CHRM2: variants seen among roughly 807,000 people sequenced by gnomAD.
CHRM2 encodes the protein muscarinic acetylcholine receptor M2.
Under a neutral mutation model 25.0 loss-of-function variants are expected in CHRM2, and 8 were observed. The observed-to-expected ratio is 0.32, with a 90% confidence interval of 0.19 to 0.58. The LOEUF (loss-of-function observed/expected upper bound fraction) is 0.58. Ranked by LOEUF, CHRM2 falls within the 20% of genes least tolerant of loss-of-function variation. CHRM2 has a pLI of 0.88. For synonymous variants in CHRM2, 202 were observed against 205.7 expected, an observed-to-expected ratio of 0.98 and a Z score of 0.15; for missense variants, 440 against 567.1, an observed-to-expected ratio of 0.78 and a Z score of 2.28.
At chr7:136,923,574 C>G (rs1798574581) in intron 2 of CHRM2, among the ~76,000 whole-genome samples, 1 of 152,138 alleles carries the variant, frequency 6.6e-6, no homozygotes, top group Non-Finnish European at 1.5e-5. Context: ...GAGACTTACA[C>G]TGCATTAAGG....
At chr7:136,879,924 AC>A (rs1169882057) in intron 2 of CHRM2, among the ~76,000 whole-genome samples, 1 of 151,876 alleles carries the variant, frequency 6.6e-6, no homozygotes, top group Non-Finnish European at 1.5e-5. Flanking sequence ...TTCAGTTTGA[AC>A]CGCAGGGGTC....
chr7:136,880,838 G>A lies in CHRM2; in HGVS notation c.-125+11420G>A, dbSNP rs377375236. ...GTTTACATTAGGGTTCCTGCTTGGT[G>A]TTTTGCATTCCCTGATGTCCTAAGG... On this transcript the variant is annotated intron_variant, in intron 2 of 3. Coordinates refer to ENST00000680005, the MANE Select transcript of CHRM2 (RefSeq NM_001006630.2). 1.1e-4 allele frequency among the ~76,000 whole-genome samples: 16 copies of A among 151,808 alleles called. 1 individual carries two copies. Among genetic ancestry groups the A allele is most frequent in the African/African-American group, 1.7e-4 (7 of 41,458 alleles).
chr7:136,952,430 G>A (rs905386538), intron 2 of CHRM2, among the ~76,000 whole-genome samples: 2 of 152,096 alleles, frequency 1.3e-5, no homozygotes, highest in African/African-American at 4.8e-5. Flanking sequence ...ATTCACAAAT[G>A]AGAAATTGAG....
intron 3 of CHRM2, among the ~76,000 whole-genome samples, chr7:136,997,720 C>T (rs1803697722): frequency 1.3e-5 from 2 of 152,136 alleles, no homozygotes; most frequent in South Asian, 2.1e-4. Context: ...TTCAGGCTTC[C>T]AGTGGAAATT....
chr7:136,945,442 A>G (rs1247402859), intron 2 of CHRM2, among the ~76,000 whole-genome samples: 1 of 152,000 alleles, frequency 6.6e-6, no homozygotes, highest in Non-Finnish European at 1.5e-5. Context: ...TCATTTTTCC[A>G]CATGTGGCTT....
In CHRM2 at chr7:137,016,409, A is replaced by AT. The variant is rs1805193243; in HGVS notation, c.*143_*144insT. The AT allele has an allele frequency of 6.9e-6, 6 of 871,054 alleles. No individual in the cohort carries two copies. In the Admixed American group the frequency reaches 1.1e-4, roughly 17 times the overall value. The allele number at this position is 871,054 out of a possible 1,614,324, so 54.0% of individuals were successfully genotyped here. On this transcript the variant is annotated 3_prime_UTR_variant, in exon 4 of 4. Coordinates refer to ENST00000680005, the MANE Select transcript of CHRM2 (RefSeq NM_001006630.2). Reference sequence around the variant, plus strand: ...TGCAATTCAGGAGCCCAGCAGTGACACACTTATCACGCCTAGGCTCCAGTT... The same window carrying AT: ...TGCAATTCAGGAGCCCAGCAGTGACATCACTTATCACGCCTAGGCTCCAGTT...
chr7:136,995,813 A>G (rs184982371), intron 3 of CHRM2, among the ~76,000 whole-genome samples: 23 of 152,120 alleles, frequency 1.5e-4, no homozygotes, highest in African/African-American at 5.5e-4. Context: ...TTTCATAAGG[A>G]TAAAGGGATT....
intron 2 of CHRM2, among the ~76,000 whole-genome samples, chr7:136,905,625 C>A (rs972936478): frequency 5.9e-5 from 9 of 151,512 alleles, no homozygotes; most frequent in African/African-American, 1.9e-4. Context: ...ACTATCTGTG[C>A]CATTTTATTC....
At chr7:136,927,412 G>A (rs907763202) in intron 2 of CHRM2, among the ~76,000 whole-genome samples, 1 of 151,956 alleles carries the variant, frequency 6.6e-6, no homozygotes, top group African/African-American at 2.4e-5. Flanking sequence ...TGGTGTGGGT[G>A]TGTGTGTGTA....
At chr7:136,981,642 G>A (rs1802494316) in intron 2 of CHRM2, among the ~76,000 whole-genome samples, 1 of 151,876 alleles carries the variant, frequency 6.6e-6, no homozygotes, top group South Asian at 2.1e-4. Flanking sequence ...GATCTGGTAT[G>A]TTGTGTCTTT....
intron 2 of CHRM2, among the ~76,000 whole-genome samples, chr7:136,920,874 G>A (rs997095884): frequency 6.6e-6 from 1 of 151,930 alleles, no homozygotes; most frequent in African/African-American, 2.4e-5. Context: ...TTACTATCAC[G>A]AAAAATTCTC....
At chr7:136,878,189 G>T (rs552454105) in intron 2 of CHRM2, among the ~76,000 whole-genome samples, 69 of 152,002 alleles carry the variant, frequency 4.5e-4, no homozygotes, top group African/African-American at 1.6e-3. Flanking sequence ...CAGGGCATTT[G>T]GTTTCATTTT....
chr7:136,870,172 C>A (rs554963633), intron 2 of CHRM2: 2 of 152,468 alleles, frequency 1.3e-5, no homozygotes, highest in Middle Eastern at 6.8e-3. Context: ...GCCTGGGCTT[C>A]GCCACCTAAC....
chr7:136,937,155 T>A (rs1186569583), intron 2 of CHRM2, among the ~76,000 whole-genome samples: 1 of 152,172 alleles, frequency 6.6e-6, no homozygotes, highest in African/African-American at 2.4e-5. Context: ...TTTTTCTGAT[T>A]TACTCAGGGA....
At chr7:136,912,786 A>G (rs2350781) in intron 2 of CHRM2, among the ~76,000 whole-genome samples, 34,222 of 151,892 alleles carry the variant, frequency 0.23, 4,984 homozygotes, top group Non-Finnish European at 0.32. Flanking sequence ...CCTAACACAA[A>G]GCTGCTATTT....
intron 3 of CHRM2, among the ~76,000 whole-genome samples, chr7:136,997,247 C>T (rs548782431): frequency 1.3e-5 from 2 of 152,204 alleles, no homozygotes; most frequent in South Asian, 4.1e-4. Context: ...GGAAGATAAA[C>T]AAGATTTCAA....
intron 2 of CHRM2, among the ~76,000 whole-genome samples, chr7:136,956,062 T>C (rs1476995545): frequency 1.3e-5 from 2 of 152,166 alleles, no homozygotes; most frequent in African/African-American, 4.8e-5. Context: ...AGGAAAAATA[T>C]TAGATTCCAG....
intron 2 of CHRM2, among the ~76,000 whole-genome samples, chr7:136,963,024 C>G (rs997846678): frequency 1.3e-5 from 2 of 151,336 alleles, no homozygotes; most frequent in South Asian, 2.1e-4. Flanking sequence ...TTAGTTTTTA[C>G]GAAAAAAGAA....
At chr7:136,932,837 C>G (rs1799185183) in intron 2 of CHRM2, among the ~76,000 whole-genome samples, 1 of 152,094 alleles carries the variant, frequency 6.6e-6, no homozygotes, top group African/African-American at 2.4e-5. Context: ...CAAGACCAAC[C>G]TGGCCAACAT....
Sources: allele counts gnomAD v4.1 joint callset (sites outside exome capture counted in the v4.1 genomes callset), GRCh38; gene constraint gnomAD v4.1.1; transcripts MANE v1.5; gene names NCBI Gene and HGNC (gene_info 2026-07-23, HGNC 2026-07-21).